The following PAXIP1 variants were observed in gnomAD, a reference collection of about 807,000 sequenced individuals.
PAXIP1 encodes the protein PAX interacting protein 1, also known as PAX-interacting protein 1.
Under a neutral mutation model 140.6 loss-of-function variants are expected in PAXIP1, and 19 were observed. That is an observed-to-expected ratio of 0.14 (90% CI 0.09 to 0.20). PAXIP1 has a LOEUF of 0.20. Ranked by LOEUF, PAXIP1 falls within the 10% of genes least tolerant of loss-of-function variation. The probability of loss-of-function intolerance (pLI) is 1.00; values close to 1 mark genes in which losing one functional copy is unlikely to be tolerated. For missense variants in PAXIP1, 920 were observed against 1,208.6 expected, an observed-to-expected ratio of 0.76 and a Z score of 3.54; for synonymous variants, 442 against 444.6, an observed-to-expected ratio of 0.99 and a Z score of 0.07.
intron 16 of PAXIP1, chr7:154,952,124 T>C (rs1214480694): frequency 1.3e-5 from 2 of 152,268 alleles, no homozygotes; most frequent in Non-Finnish European, 2.9e-5. Flanking sequence ...GTTTTATGTT[T>C]CATTAATACC....
At chr7:154,981,380 G>A (rs1809836940) in intron 5 of PAXIP1, among the ~76,000 whole-genome samples, 1 of 152,180 alleles carries the variant, frequency 6.6e-6, no homozygotes, top group Admixed American at 6.5e-5. Context: ...CATTAAAATA[G>A]TAGTTCATTT....
chr7:155,002,929 TG>T lies in PAXIP1; in HGVS notation c.-1del. The T allele has an allele frequency of 7.6e-7, 1 of 1,314,678 alleles. No homozygotes were observed. 81.4% of individuals were successfully genotyped at this position (1,314,678 alleles called of 1,614,324 possible). A position where few individuals can be genotyped will look rare whatever the true frequency, so the allele number is the denominator to read the frequency against. On this transcript the variant is annotated 5_prime_UTR_variant, in exon 1 of 21. Transcript: ENST00000404141. ...GGAACTTTGGGCGCCTGGTCCGACA[TG>T]ATCGCGGCGGCCCGGGAGGCTCCGC...
chr7:154,976,764 C>T (rs1809601311), intron 5 of PAXIP1, among the ~76,000 whole-genome samples: 1 of 152,170 alleles, frequency 6.6e-6, no homozygotes, highest in South Asian at 2.1e-4. Context: ...ATCACGTACA[C>T]TCATGGAGCA....
chr7:154,991,197 A>G (rs1810314005), intron 3 of PAXIP1, 128 bp from the exon 4 acceptor site: 1 of 549,250 alleles, frequency 1.8e-6, no homozygotes, highest in African/African-American at 2.0e-5. Flanking sequence ...AAGATAGACA[A>G]AGAAGAGTAC....
rs768259838 is a variant in PAXIP1 at position 154,954,325 on chromosome 7, C to T, written c.2751G>A (p.Ala917=). The T allele has an allele frequency of 1.2e-6, 2 of 1,604,112 alleles. No homozygotes were observed. Among genetic ancestry groups the T allele is most frequent in the Non-Finnish European group, 1.7e-6 (2 of 1,173,082 alleles). The part of the protein sequence containing the change: ...KVTRTVKFLT[A]ISVVKHIVTP... The stretch of plus-strand genomic sequence containing the variant: ...TCACTATGTGCTTCACGACAGAAAT[C>T]GCCGTCAGGAACTTCACGGTGCGAG... The change falls in exon 16 of 21, where the codon GCG becomes GCA. Residue 917 remains alanine (A), a synonymous_variant. Coordinates refer to ENST00000404141, the MANE Select transcript of PAXIP1 (RefSeq NM_007349.4). The surrounding 1 kb of genome is among the most constrained non-coding windows in gnomAD (Gnocchi z 5.1).
intron 20 of PAXIP1, chr7:154,945,664 A>G (rs1172162428): frequency 7.1e-6 from 7 of 985,302 alleles, no homozygotes; most frequent in Non-Finnish European, 8.4e-6. Flanking sequence ...AGAAGTCCTG[A>G]GAACAGCCCT....
chr7:154,998,402 G>A (rs975264340), intron 2 of PAXIP1, among the ~76,000 whole-genome samples: 2 of 152,162 alleles, frequency 1.3e-5, no homozygotes, highest in African/African-American at 2.4e-5. Context: ...CAGCTACTCA[G>A]GAGGCTGAGG....
chr7:154,949,863 C>A (rs1204359335), intron 16 of PAXIP1: 1 of 152,160 alleles, frequency 6.6e-6, no homozygotes, highest in African/African-American at 2.4e-5. Flanking sequence ...GCCAATGGCA[C>A]CACTCTACTC....
intron 12 of PAXIP1, among the ~76,000 whole-genome samples, chr7:154,960,686 C>T (rs1808719225): frequency 6.6e-6 from 1 of 151,004 alleles, no homozygotes; most frequent in South Asian, 2.1e-4. Flanking sequence ...AAAACAAAAA[C>T]AAAAACAAAA....
In PAXIP1 at chr7:154,995,585, C is replaced by G. The variant is rs1050305337; in HGVS notation, c.217-1816G>C. Among the ~76,000 whole-genome samples, 4 of 152,232 alleles carry G rather than the reference C, an allele frequency of 2.6e-5. No individual in the cohort carries two copies. In the South Asian group the frequency reaches 6.2e-4, roughly 24 times the overall value. ...AATAAGCTGGCTGATCGCGATGGCTCATGCCTGTAATCTCAGCACTTTGGG... is the reference window on the plus strand; with the variant it reads ...AATAAGCTGGCTGATCGCGATGGCTGATGCCTGTAATCTCAGCACTTTGGG... On this transcript the variant is annotated intron_variant, in intron 2 of 20. Coordinates refer to ENST00000404141, the MANE Select transcript of PAXIP1 (RefSeq NM_007349.4).
chr7:154,990,914 C>T, intron 4 of PAXIP1, 92 bp downstream of exon 4: 1 of 693,190 alleles, frequency 1.4e-6, no homozygotes, highest in South Asian at 2.0e-5. Context: ...AATAGCTTCT[C>T]TAAAACTGGT....
chr7:154,948,281 C>A (rs1808089580), intron 16 of PAXIP1: 1 of 352,044 alleles, frequency 2.8e-6, no homozygotes, highest in African/African-American at 2.1e-5. Flanking sequence ...TGTGGTGGTT[C>A]ATGCCTGTAA....
intron 13 of PAXIP1, among the ~76,000 whole-genome samples, chr7:154,958,592 T>C (rs1225147474): frequency 6.6e-6 from 1 of 152,242 alleles, no homozygotes; most frequent in Admixed American, 6.5e-5. Flanking sequence ...AAGCAATTTC[T>C]CAACTCTATT....
chr7:154,986,096 T>G lies in PAXIP1; in HGVS notation c.325-2764A>C. 1 of 1,364,210 alleles carries G rather than the reference T, an allele frequency of 7.3e-7. No homozygotes were observed. Among genetic ancestry groups the G allele is most frequent in the Non-Finnish European group, 9.8e-7 (1 of 1,021,014 alleles). The allele number at this position is 1,364,210 out of a possible 1,614,324, so 84.5% of individuals were successfully genotyped here. On this transcript the variant is annotated intron_variant, in intron 4 of 20. Coordinates refer to ENST00000404141, the MANE Select transcript of PAXIP1 (RefSeq NM_007349.4). The surrounding 1 kb of genome is among the most constrained non-coding windows in gnomAD (Gnocchi z 4.8). ...CAGATGATCTCTGTGCTTCCCAACT[T>G]CTGCTGGACAAGCTCCCTTCCCTAC...
At chr7:154,992,533 T>C (rs1563389385) in intron 3 of PAXIP1, among the ~76,000 whole-genome samples, 1 of 150,810 alleles carries the variant, frequency 6.6e-6, no homozygotes, top group Non-Finnish European at 1.5e-5. Context: ...AGGCAGAAGT[T>C]ACAGTGAGCC....
intron 16 of PAXIP1, chr7:154,952,305 G>A (rs532550448): frequency 2.6e-5 from 4 of 152,300 alleles, no homozygotes; most frequent in East Asian, 3.9e-4. Flanking sequence ...ATTTGTGGAC[G>A]TACGTGGACT....
intron 16 of PAXIP1, among the ~76,000 whole-genome samples, chr7:154,952,773 A>G (rs538454511): frequency 6.6e-6 from 1 of 152,338 alleles, no homozygotes; most frequent in East Asian, 1.9e-4. Context: ...GTGCAACTTT[A>G]TAGAGCATAA....
chr7:154,971,458 G>T (rs1809322924), intron 6 of PAXIP1, among the ~76,000 whole-genome samples: 1 of 152,212 alleles, frequency 6.6e-6, no homozygotes, highest in South Asian at 2.1e-4. Flanking sequence ...AGAGGTGCAG[G>T]CCTGGATGGA....
intron 12 of PAXIP1, 76 bp downstream of exon 12, chr7:154,960,817 A>G (rs1808725503): frequency 9.5e-7 from 1 of 1,056,330 alleles, no homozygotes. Flanking sequence ...GGTAATTAGT[A>G]TGAATAAAAA....
Sources: allele counts gnomAD v4.1 joint callset (sites outside exome capture counted in the v4.1 genomes callset), GRCh38; gene constraint gnomAD v4.1.1; non-coding constraint Gnocchi (gnomAD v3.1); transcripts MANE v1.5; gene names NCBI Gene and HGNC (gene_info 2026-07-23, HGNC 2026-07-21).